Variants in ADGRL2 observed in about 807,000 individuals in gnomAD.
The protein encoded by ADGRL2 is calcium-independent alpha-latrotoxin receptor 2.
ADGRL2 carries 44 observed loss-of-function variants against 157.4 expected under a neutral mutation model. The observed-to-expected ratio is 0.28, with a 90% CI of 0.22 to 0.36. The LOEUF (loss-of-function observed/expected upper bound fraction) is 0.36, where lower values mean the gene tolerates loss of function less well. ADGRL2 is among the 10% of genes least tolerant of loss of function. The probability of loss-of-function intolerance (pLI) is 1.00; values close to 1 mark genes in which losing one functional copy is unlikely to be tolerated. For synonymous variants in ADGRL2, 585 were observed against 624.7 expected, an observed-to-expected ratio of 0.94 and a Z score of 0.95; for missense variants, 1,510 against 1,768.9, an observed-to-expected ratio of 0.85 and a Z score of 2.63.
At chr1:81,912,535 A>G (rs2148439217) in intron 3 of ADGRL2, among the ~76,000 whole-genome samples, 1 of 152,324 alleles carries the variant, frequency 6.6e-6, no homozygotes, top group East Asian at 1.9e-4. Flanking sequence ...AAGAATGTAA[A>G]GGAGAAACAA....
chr1:81,938,480 C>G (rs1469040053), intron 4 of ADGRL2, among the ~76,000 whole-genome samples: 1 of 151,674 alleles, frequency 6.6e-6, no homozygotes, highest in African/African-American at 2.4e-5. Flanking sequence ...ATCTAACTTG[C>G]AAAATTTTAC....
chr1:81,924,890 C>T (rs1165497344), intron 3 of ADGRL2, among the ~76,000 whole-genome samples: 2 of 152,042 alleles, frequency 1.3e-5, no homozygotes, highest in African/African-American at 4.8e-5. Context: ...TTTGGTACTA[C>T]TGTATTTGAT....
intron 3 of ADGRL2, among the ~76,000 whole-genome samples, chr1:81,649,111 C>T (rs2082365082): frequency 6.6e-6 from 1 of 152,148 alleles, no homozygotes; most frequent in African/African-American, 2.4e-5. Context: ...GGAACTCTCC[C>T]ACATTTTCCA....
chr1:81,966,099 G>T lies in ADGRL2; in HGVS notation c.2059G>T (p.Asp687Tyr). The change falls in exon 12 of 24, where the codon GAC becomes TAC. Residue 687 changes from aspartate (D) to tyrosine (Y), a missense_variant. Physicochemically the swap from Asp to Tyr is radical, Grantham distance 160. Transcript: ENST00000686636. ...ACTCAGTACAGAAGGACAGATCCAA[G>T]ACTTTAAATTTCCTCTGGGCATCAA... ...AVLSTEGQIQ[D>Y]FKFPLGIKGA... 6.2e-7 allele frequency: 1 copy of T among 1,613,924 alleles called. No homozygotes were observed. Among genetic ancestry groups the T allele is most frequent in the Non-Finnish European group, 8.5e-7 (1 of 1,179,944 alleles).
intron 2 of ADGRL2, among the ~76,000 whole-genome samples, chr1:81,482,072 T>TA (rs758426061): frequency 5.9e-5 from 9 of 152,200 alleles, no homozygotes; most frequent in Non-Finnish European, 1.2e-4. Flanking sequence ...TACCCAAGGT[T>TA]AAAAGTTGCC....
At chr1:81,632,401 T>C (rs1355318342) in intron 3 of ADGRL2, among the ~76,000 whole-genome samples, 1 of 151,392 alleles carries the variant, frequency 6.6e-6, no homozygotes, top group Non-Finnish European at 1.5e-5. Flanking sequence ...AGGAAGAAAA[T>C]TTCAAACAGA....
At chr1:81,476,207 A>T (rs1462780130) in intron 2 of ADGRL2, among the ~76,000 whole-genome samples, 1 of 152,188 alleles carries the variant, frequency 6.6e-6, no homozygotes, top group Middle Eastern at 3.2e-3. Context: ...AGGGAAAGCA[A>T]AAAAGAATGA....
At chr1:81,989,832 A>G in intron 23 of ADGRL2, 1 of 1,413,104 alleles carries the variant, frequency 7.1e-7, no homozygotes, top group Admixed American at 2.6e-5. Flanking sequence ...CCATGTTTTC[A>G]TTCTTTTTTT....
At chr1:81,956,206 G>C (rs1653461510) in intron 11 of ADGRL2, 146 bp downstream of exon 11, 2 of 588,056 alleles carry the variant, frequency 3.4e-6, no homozygotes, top group African/African-American at 3.9e-5. Flanking sequence ...AGAAATTATT[G>C]ACCACACTTA....
At chr1:81,966,997 A>G (rs949191105) in intron 13 of ADGRL2, among the ~76,000 whole-genome samples, 3 of 152,160 alleles carry the variant, frequency 2.0e-5, no homozygotes, top group African/African-American at 7.2e-5. Flanking sequence ...TTTTTTCATT[A>G]GTTTACTGAT....
chr1:81,656,251 T>A (rs6672464), intron 3 of ADGRL2, among the ~76,000 whole-genome samples: 102,124 of 151,940 alleles, frequency 0.67, 34,742 homozygotes, highest in East Asian at 0.79. Context: ...CTGTCTCAAA[T>A]ATCTAACCTC....
At chr1:81,849,307 C>A (rs180850670) in intron 2 of ADGRL2, among the ~76,000 whole-genome samples, 1 of 151,898 alleles carries the variant, frequency 6.6e-6, no homozygotes, top group South Asian at 2.1e-4. Context: ...ATACTAAATA[C>A]AGCCTAGAAG....
At chr1:81,391,864 T>C (rs533899927) in intron 1 of ADGRL2, among the ~76,000 whole-genome samples, 19 of 152,314 alleles carry the variant, frequency 1.2e-4, no homozygotes, top group African/African-American at 4.3e-4. Context: ...GCAATACATC[T>C]AATATAATAA....
chr1:81,646,299 A>C (rs1293023345), intron 3 of ADGRL2, among the ~76,000 whole-genome samples: 1 of 152,202 alleles, frequency 6.6e-6, no homozygotes, highest in African/African-American at 2.4e-5. Flanking sequence ...AGCAATTTAA[A>C]TAATCATATA....
At chr1:81,823,790 A>G (rs993563232) in intron 1 of ADGRL2, among the ~76,000 whole-genome samples, 6 of 152,172 alleles carry the variant, frequency 3.9e-5, no homozygotes, top group Non-Finnish European at 8.8e-5. Flanking sequence ...AAGGAACAGT[A>G]TAACTATACC....
intron 2 of ADGRL2, among the ~76,000 whole-genome samples, chr1:81,860,430 A>T (rs2093353621): frequency 6.6e-6 from 1 of 151,520 alleles, no homozygotes; most frequent in African/African-American, 2.4e-5. Context: ...TCCTGCCTTG[A>T]CCTCCCAAAG....
intron 1 of ADGRL2, among the ~76,000 whole-genome samples, chr1:81,738,109 A>G (rs2084960932): frequency 6.6e-6 from 1 of 152,218 alleles, no homozygotes; most frequent in Non-Finnish European, 1.5e-5. Context: ...ATCCTGCATT[A>G]CAAAAAATGT....
intron 1 of ADGRL2, among the ~76,000 whole-genome samples, chr1:81,322,403 G>C (rs1417741462): frequency 1.3e-5 from 2 of 151,948 alleles, no homozygotes; most frequent in Non-Finnish European, 2.9e-5. Flanking sequence ...GACGTGATAA[G>C]TGCGTAATGA....
intron 1 of ADGRL2, among the ~76,000 whole-genome samples, chr1:81,761,134 G>T (rs2149306340): frequency 6.6e-6 from 1 of 151,916 alleles, no homozygotes; most frequent in Admixed American, 6.6e-5. Flanking sequence ...TTTATAGTTT[G>T]AAATTTTAGC....
Sources: gnomAD v4.1 joint callset for allele counts (sites outside exome capture counted in the v4.1 genomes callset) on GRCh38, gnomAD v4.1.1 for gene constraint, MANE v1.5 for transcripts, NCBI Gene and HGNC (gene_info 2026-07-23, HGNC 2026-07-21) for gene names.